Variants in PCDHGB3 observed in about 807,000 individuals in gnomAD.
The protein encoded by PCDHGB3 is protocadherin gamma-B3.
In PCDHGB3, 40 loss-of-function variants were observed where a neutral mutation model predicts 59.2. The ratio of observed to expected loss-of-function variants is 0.68; its 90% CI spans 0.52 to 0.88. PCDHGB3 has a LOEUF of 0.88. Among genes scored for constraint, PCDHGB3 ranks in the 40% least tolerant of loss-of-function variants. PCDHGB3 has a pLI of 0.00. For missense variants in PCDHGB3, 1,309 were observed against 1,187.9 expected (o/e 1.10, Z -1.50); for synonymous variants, 581 against 503.6 (o/e 1.15, Z -2.06).
intron 1 of PCDHGB3, chr5:141,415,906 A>C (rs2154546200): frequency 1.3e-6 from 1 of 784,990 alleles, no homozygotes; most frequent in East Asian, 3.5e-5. Context: ...ACAGACTTCC[A>C]TACAGAAGTG....
At position 141,486,538 on chromosome 5, in the gene PCDHGB3, C is replaced by A; in HGVS notation, c.2416-8269C>A. 1 of 1,614,150 alleles carries A rather than the reference C, an allele frequency of 6.2e-7. No individual in the cohort carries two copies. Among genetic ancestry groups the A allele is most frequent in the Non-Finnish European group, 8.5e-7 (1 of 1,180,038 alleles). ...ATGTGAATGATAATCCACCCTCTTTCTTTCAGAGGTCACATGAGGTGTTTG... is the reference window on the plus strand; with the variant it reads ...ATGTGAATGATAATCCACCCTCTTTATTTCAGAGGTCACATGAGGTGTTTG... On this transcript the variant is annotated intron_variant, in intron 1 of 3. Coordinates refer to ENST00000576222, the MANE Select transcript of PCDHGB3 (RefSeq NM_018924.5). This position sits in a 1 kb window ranked among gnomAD's most constrained non-coding sequence, Gnocchi z 5.0.
At chr5:141,393,406 G>A (rs762034418) in intron 1 of PCDHGB3, 1 of 1,614,026 alleles carries the variant, frequency 6.2e-7, no homozygotes, top group Admixed American at 1.7e-5. Flanking sequence ...GTGCTGGAGC[G>A]CGCCCTGGAC....
chr5:141,383,795 G>A (rs376874310), intron 1 of PCDHGB3: 12 of 1,613,822 alleles, frequency 7.4e-6, no homozygotes, highest in East Asian at 4.5e-5. Flanking sequence ...TCGCTTACAG[G>A]AGAAATATCA....
intron 1 of PCDHGB3, among the ~76,000 whole-genome samples, chr5:141,435,732 C>T (rs2097777160): frequency 6.6e-6 from 1 of 152,150 alleles, no homozygotes; most frequent in South Asian, 2.1e-4. Flanking sequence ...AAGTGTATTA[C>T]TCTTTGAAAA....
rs201669321 is a variant in PCDHGB3, at chr5:141,375,837, G to A, written c.2415+3028G>A. The A allele has an allele frequency of 2.1e-5, 34 of 1,613,980 alleles. No individual in the cohort carries two copies. Among genetic ancestry groups the A allele is most frequent in the Non-Finnish European group, 2.6e-5 (31 of 1,180,040 alleles). Reference sequence around the variant, plus strand: ...CTGGCGCCCCGCTCCGCAGAGCCCGGCTACCTGGTGACCAAGGTGGTGGCG... The same window carrying A: ...CTGGCGCCCCGCTCCGCAGAGCCCGACTACCTGGTGACCAAGGTGGTGGCG... On this transcript the variant is annotated intron_variant, in intron 1 of 3. Coordinates refer to ENST00000576222, the MANE Select transcript of PCDHGB3 (RefSeq NM_018924.5).
rs190955361 is a variant in PCDHGB3, at chr5:141,486,090, G to A, written c.2416-8717G>A. On this transcript the variant is annotated intron_variant, in intron 1 of 3. Transcript: ENST00000576222. The surrounding 1 kb of genome is among the most constrained non-coding windows in gnomAD (Gnocchi z 5.0). ...ACTACTGGAAAGCTTACTCTTTTGG[G>A]GCCCCTAGACTTTGAGAGTGAGAAT... 3 of 1,614,086 alleles carry A rather than the reference G, an allele frequency of 1.9e-6. No homozygotes were observed. The highest frequency in any genetic ancestry group is 1.6e-4 in the Middle Eastern group (1 of 6,062).
chr5:141,400,453 C>T (rs1329103788), intron 1 of PCDHGB3: 1 of 1,614,056 alleles, frequency 6.2e-7, no homozygotes, highest in Admixed American at 1.7e-5. Context: ...ACAAGACATA[C>T]TTTGTGGTGA....
chr5:141,390,321 C>A (rs776100029), intron 1 of PCDHGB3: 1 of 1,606,964 alleles, frequency 6.2e-7, no homozygotes, highest in Non-Finnish European at 8.5e-7. Context: ...TCATTGCCTA[C>A]CCATTTCTCC....
Position 141,487,856 on chromosome 5 carries a change from T to C in PCDHGB3, c.2416-6951T>C. The C allele has an allele frequency of 2.0e-6, 2 of 977,364 alleles. No homozygotes were observed. The highest frequency in any genetic ancestry group is 3.0e-6 in the Non-Finnish European group (2 of 671,858). 60.5% of individuals were successfully genotyped at this position (977,364 alleles called of 1,614,324 possible). A position where few individuals can be genotyped will look rare whatever the true frequency, so the allele number is the denominator to read the frequency against. Reference sequence around the variant, plus strand: ...ATATCTGAGTAAGAAATGAAAGTAATTGGTGATCAAGAGCCAGGCTGTTGT... The same window carrying C: ...ATATCTGAGTAAGAAATGAAAGTAACTGGTGATCAAGAGCCAGGCTGTTGT... On this transcript the variant is annotated intron_variant, in intron 1 of 3. Transcript: ENST00000576222. The surrounding 1 kb of genome is among the most constrained non-coding windows in gnomAD (Gnocchi z 5.0).
intron 1 of PCDHGB3, among the ~76,000 whole-genome samples, chr5:141,484,045 G>A (rs934525987): frequency 7.9e-5 from 12 of 152,026 alleles, no homozygotes; most frequent in African/African-American, 2.9e-4. Context: ...AGCTCCAAGA[G>A]GTCCCCTGGG....
chr5:141,481,676 G>T (rs975849679), intron 1 of PCDHGB3, among the ~76,000 whole-genome samples: 1 of 152,028 alleles, frequency 6.6e-6, no homozygotes, highest in Non-Finnish European at 1.5e-5. Flanking sequence ...AAATCAGGCC[G>T]GGCCTGGTGG....
chr5:141,432,650 G>T lies in PCDHGB3; in HGVS notation c.2415+59841G>T. 6.2e-7 allele frequency: 1 copy of T among 1,613,868 alleles called. No individual in the cohort carries two copies. The highest frequency in any genetic ancestry group is 1.1e-5 in the South Asian group (1 of 91,064). On this transcript the variant is annotated intron_variant, in intron 1 of 3. Transcript: ENST00000576222. The surrounding 1 kb of genome is among the most constrained non-coding windows in gnomAD (Gnocchi z 6.0). The stretch of plus-strand genomic sequence containing the variant: ...CACGGGCGAGGTGCGCACGGCGCGA[G>T]CCCTGCTGGACAGAGACGCGCTCAA...
intron 1 of PCDHGB3, among the ~76,000 whole-genome samples, chr5:141,380,946 CAAG>C (rs1776880026): frequency 6.6e-6 from 1 of 152,210 alleles, no homozygotes; most frequent in African/African-American, 2.4e-5. Flanking sequence ...CTTGCCTCAA[CAAG>C]AAGTTCAAAA....
intron 1 of PCDHGB3, chr5:141,394,176 G>A: frequency 6.2e-7 from 1 of 1,613,790 alleles, no homozygotes; most frequent in Non-Finnish European, 8.5e-7. Flanking sequence ...TTTCCCTCAT[G>A]CCTCCTACTC....
At chr5:141,460,733 C>T (rs988651750) in intron 1 of PCDHGB3, among the ~76,000 whole-genome samples, 2 of 150,844 alleles carry the variant, frequency 1.3e-5, no homozygotes, top group Non-Finnish European at 3.0e-5. Context: ...CATATATACA[C>T]ATTGTATATA....
intron 2 of PCDHGB3, among the ~76,000 whole-genome samples, chr5:141,501,075 A>C (rs980856799): frequency 6.6e-6 from 1 of 151,366 alleles, no homozygotes; most frequent in African/African-American, 2.4e-5. Context: ...CACCATGTTG[A>C]CCAGGATGGT....
At chr5:141,389,195 C>T (rs764168847) in intron 1 of PCDHGB3, 2 of 1,614,052 alleles carry the variant, frequency 1.2e-6, no homozygotes, top group Non-Finnish European at 1.7e-6. Flanking sequence ...CCAGCATCAC[C>T]CTGCACATTG....
At chr5:141,471,637 T>C (rs1284100810) in intron 1 of PCDHGB3, 2 of 152,198 alleles carry the variant, frequency 1.3e-5, no homozygotes, top group Non-Finnish European at 2.9e-5. Context: ...TATGGATTAG[T>C]AATATACTGG....
intron 1 of PCDHGB3, chr5:141,391,782 T>C (rs2092421963): frequency 6.6e-6 from 1 of 152,222 alleles, no homozygotes; most frequent in African/African-American, 2.4e-5. Flanking sequence ...GTCATTACTT[T>C]TTGCAGTTTT....
Sources: allele counts gnomAD v4.1 joint callset (sites outside exome capture counted in the v4.1 genomes callset), GRCh38; gene constraint gnomAD v4.1.1; non-coding constraint Gnocchi (gnomAD v3.1); transcripts MANE v1.5; gene names NCBI Gene and HGNC (gene_info 2026-07-23, HGNC 2026-07-21).